Variants in ADGRV1 observed in about 807,000 individuals in gnomAD.
The protein encoded by ADGRV1 is adhesion G protein-coupled receptor V1, also known as G-protein coupled receptor 98.
ADGRV1 carries 359 observed loss-of-function variants against 596.2 expected under a neutral mutation model. That is an observed-to-expected ratio of 0.60 (90% confidence interval 0.55 to 0.66). The LOEUF (loss-of-function observed/expected upper bound fraction) is 0.66. Among genes scored for constraint, ADGRV1 ranks in the 30% least tolerant of loss-of-function variants. The probability of loss-of-function intolerance (pLI) is 0.00; values close to 1 mark genes in which losing one functional copy is unlikely to be tolerated. For synonymous variants in ADGRV1, 2,681 were observed against 2,679.2 expected (o/e 1.00, Z -0.02); for missense variants, 7,274 against 7,575.6 (o/e 0.96, Z 1.48).
At chr5:90,761,619 C>T (rs1003395239) in intron 58 of ADGRV1, among the ~76,000 whole-genome samples, 2 of 152,138 alleles carry the variant, frequency 1.3e-5, no homozygotes, top group Non-Finnish European at 2.9e-5. Context: ...ATTGTAACTG[C>T]GGTCATAAAC....
At chr5:90,753,439 C>G in intron 53 of ADGRV1, 135 bp from the exon 54 acceptor site, 1 of 588,844 alleles carries the variant, frequency 1.7e-6, no homozygotes, top group Non-Finnish European at 2.9e-6. Context: ...TTTGTAGAAT[C>G]ATATTATTAT....
intron 84 of ADGRV1, among the ~76,000 whole-genome samples, chr5:90,976,508 G>A (rs1779628989): frequency 1.3e-5 from 2 of 151,574 alleles, no homozygotes; most frequent in Admixed American, 6.6e-5. Flanking sequence ...AGTAAACAAT[G>A]TGTCCTTGAA....
At chr5:90,650,049 A>AT (rs934916377) in intron 17 of ADGRV1, among the ~76,000 whole-genome samples, 4 of 148,436 alleles carry the variant, frequency 2.7e-5, no homozygotes, top group Admixed American at 2.0e-4. Flanking sequence ...AGAGCTTGTG[A>AT]TTTTTTAATA....
intron 6 of ADGRV1, among the ~76,000 whole-genome samples, chr5:90,626,733 C>T (rs1207027476): frequency 2.0e-5 from 3 of 152,312 alleles, no homozygotes; most frequent in Middle Eastern, 3.4e-3. Flanking sequence ...ATTGGTGTCA[C>T]GTGTTTAACT....
intron 85 of ADGRV1, among the ~76,000 whole-genome samples, chr5:91,025,094 C>G (rs565741560): frequency 6.6e-6 from 1 of 152,156 alleles, no homozygotes; most frequent in Non-Finnish European, 1.5e-5. Context: ...CTGAATCCAT[C>G]ATCACAAAAG....
intron 85 of ADGRV1, among the ~76,000 whole-genome samples, chr5:91,034,108 T>G (rs186603859): frequency 3.3e-5 from 5 of 152,164 alleles, no homozygotes; most frequent in Admixed American, 6.5e-5. Context: ...TTTTAAAAAA[T>G]TTAAAGTTTG....
At chr5:90,996,470 T>A (rs947854156) in intron 85 of ADGRV1, among the ~76,000 whole-genome samples, 27 of 152,146 alleles carry the variant, frequency 1.8e-4, no homozygotes, top group African/African-American at 6.0e-4. Context: ...AGACTCCAAC[T>A]AGATTTCAGA....
Position 90,676,085 on chromosome 5 carries a change from T to G in ADGRV1, c.5319T>G (p.Val1773=). ...TAFSPEDYQN[V]AGTLEFQPGE... is the part of the protein sequence containing the mutation. ...ATCAGTCTTTTATATTTCAGAATGT[T>G]GCTGGCACATTAGAATTTCAACCAG... The change falls in exon 25 of 90, where the codon GTT becomes GTG. Residue 1773 remains valine, a synonymous_variant. Transcript: ENST00000405460. 2 of 1,596,572 alleles carry G rather than the reference T, an allele frequency of 1.3e-6. No individual in the cohort carries two copies. Among genetic ancestry groups the G allele is most frequent in the Non-Finnish European group, 1.7e-6 (2 of 1,168,806 alleles).
intron 77 of ADGRV1, among the ~76,000 whole-genome samples, chr5:90,834,125 T>C (rs975517309): frequency 1.3e-5 from 2 of 152,162 alleles, no homozygotes; most frequent in African/African-American, 4.8e-5. Context: ...GTAGTTATTA[T>C]TTTTTATCCG....
At chr5:91,147,387 TC>T (rs1795638665) in intron 87 of ADGRV1, among the ~76,000 whole-genome samples, 1 of 152,126 alleles carries the variant, frequency 6.6e-6, no homozygotes. Context: ...TGGTTCTATG[TC>T]CCCACCCAAA....
intron 83 of ADGRV1, among the ~76,000 whole-genome samples, chr5:90,875,753 G>A (rs1769162423): frequency 6.6e-6 from 1 of 152,178 alleles, no homozygotes; most frequent in African/African-American, 2.4e-5. Flanking sequence ...TAAGAAGCAG[G>A]TTTGGAGATG....
rs1207645218 is a variant in ADGRV1, at chr5:91,102,283, C to T, written c.18375C>T (p.His6125=). 2 of 1,610,248 alleles carry T rather than the reference C, an allele frequency of 1.2e-6. No homozygotes were observed. Among genetic ancestry groups the T allele is most frequent in the Admixed American group, 3.4e-5 (2 of 59,536 alleles). The change falls in exon 87 of 90, where the codon CAC becomes CAT. Residue 6125 remains histidine (H), a synonymous_variant. Transcript: ENST00000405460. ...ISVTWLWGGL[H]MAYRHFWMLV... ...TGACATGGCTTTGGGGAGGACTACA[C>T]ATGGCCTACAGACACTTCTGGATGT...
chr5:90,677,919 A>G (rs548442160), intron 25 of ADGRV1, among the ~76,000 whole-genome samples: 1 of 152,314 alleles, frequency 6.6e-6, no homozygotes, highest in South Asian at 2.1e-4. Context: ...TTGGAGAGTC[A>G]AGGACTTATT....
intron 57 of ADGRV1, among the ~76,000 whole-genome samples, chr5:90,758,452 A>T (rs930001332): frequency 2.0e-5 from 3 of 152,216 alleles, no homozygotes; most frequent in Admixed American, 2.0e-4. Context: ...CATTATCAGC[A>T]CTTTATCTGT....
intron 28 of ADGRV1, among the ~76,000 whole-genome samples, chr5:90,685,452 G>C (rs939115309): frequency 2.0e-5 from 3 of 151,976 alleles, no homozygotes; most frequent in African/African-American, 7.2e-5. Flanking sequence ...GGGCATGGCA[G>C]CACGTGCCTG....
rs1750161021 is a variant in ADGRV1, at chr5:90,716,748, A to G, written c.9447+19A>G. 2.5e-6 allele frequency: 4 copies of G among 1,581,270 alleles called. No individual in the cohort carries two copies. Among genetic ancestry groups the G allele is most frequent in the Non-Finnish European group, 3.5e-6 (4 of 1,155,500 alleles). On this transcript the variant is annotated intron_variant, in intron 43 of 89. Coordinates refer to ENST00000405460, the MANE Select transcript of ADGRV1 (RefSeq NM_032119.4). Reference sequence around the variant, plus strand: ...ATTCAAGGTACAGTAAGAAGCTTTAATGAGAATGGAAGTTTATCTTTAATA... The same window carrying G: ...ATTCAAGGTACAGTAAGAAGCTTTAGTGAGAATGGAAGTTTATCTTTAATA...
chr5:91,150,072 A>G lies in ADGRV1; in HGVS notation c.18475A>G (p.Met6159Val), dbSNP rs77469944. 0.015 allele frequency: 23,006 copies of G among 1,552,142 alleles called. 1,108 individuals are homozygous for G. Among genetic ancestry groups the G allele is most frequent in the African/African-American group, 0.13 (9,327 of 72,492 alleles). Residue 6159 changes from methionine to valine, a missense_variant, in exon 88 of 90, where the codon ATG becomes GTG. Met to Val is a conservative substitution (Grantham distance 21). This residue lies in a region of ADGRV1 where 1,874 missense variants were observed against 1,970.2 expected (regional missense o/e 0.95). Coordinates refer to ENST00000405460, the MANE Select transcript of ADGRV1 (RefSeq NM_032119.4). ...GGTTTATTTCATTTTACACAACCAA[A>G]TGTGTTGCCCTATGAAGGCCAGTTA... ...FMVYFILHNQ[M>V]CCPMKASYTV...
chr5:91,157,154 C>G (rs1027852138), intron 89 of ADGRV1, among the ~76,000 whole-genome samples: 1 of 152,184 alleles, frequency 6.6e-6, no homozygotes, highest in Admixed American at 6.5e-5. Context: ...TGGTCCCTCT[C>G]AGGTCCACCT....
intron 79 of ADGRV1, among the ~76,000 whole-genome samples, chr5:90,849,811 T>A (rs2150392654): frequency 6.6e-6 from 1 of 152,346 alleles, no homozygotes; most frequent in African/African-American, 2.4e-5. Context: ...ATTATACCTC[T>A]GCTATAGTCC....
Sources: gnomAD v4.1 joint callset for allele counts (sites outside exome capture counted in the v4.1 genomes callset) on GRCh38, gnomAD v4.1.1 for gene constraint, gnomAD v4.1.1 regional missense constraint, MANE v1.5 for transcripts, NCBI Gene and HGNC (gene_info 2026-07-23, HGNC 2026-07-21) for gene names.